The following RSRC1 variants were observed in gnomAD, a reference collection of about 807,000 sequenced individuals.
RSRC1 encodes the protein serine/Arginine-related protein 53.
In RSRC1, 39 loss-of-function variants were observed where a neutral mutation model predicts 49.1. That is an observed-to-expected ratio of 0.79 (90% CI 0.61 to 1.04). The LOEUF (loss-of-function observed/expected upper bound fraction) is 1.04. RSRC1 is among the 50% of genes least tolerant of loss of function. RSRC1 has a pLI of 0.00. For synonymous variants in RSRC1, 143 were observed against 130.8 expected, an observed-to-expected ratio of 1.09 and a Z score of -0.63; for missense variants, 388 against 402.4, an observed-to-expected ratio of 0.96 and a Z score of 0.31.
chr3:158,233,965 T>C (rs547536789), intron 4 of RSRC1, among the ~76,000 whole-genome samples: 2 of 152,306 alleles, frequency 1.3e-5, no homozygotes, highest in South Asian at 4.1e-4. Context: ...AAAGGCTGAA[T>C]AAGTGGCAGA....
At chr3:158,171,985 C>G (rs182647066) in intron 3 of RSRC1, among the ~76,000 whole-genome samples, 2 of 150,598 alleles carry the variant, frequency 1.3e-5, no homozygotes, top group East Asian at 3.9e-4. Context: ...CAACAAAAAC[C>G]ATACATAAAT....
At chr3:158,196,152 T>G (rs1463536259) in intron 3 of RSRC1, among the ~76,000 whole-genome samples, 1 of 139,118 alleles carries the variant, frequency 7.2e-6, no homozygotes, top group Non-Finnish European at 1.5e-5. Context: ...CTTCCATTTG[T>G]TTGTATTCTC....
chr3:158,404,383 A>G (rs1345002715), intron 6 of RSRC1, among the ~76,000 whole-genome samples: 1 of 151,974 alleles, frequency 6.6e-6, no homozygotes, highest in Non-Finnish European at 1.5e-5. Context: ...GACACTAGTC[A>G]TGACAGTAAA....
In RSRC1 at chr3:158,477,798, T is replaced by TTATATATATATATATATATATATATA. The variant is rs67839411; in HGVS notation, c.652+16799_652+16824dup. The stretch of plus-strand genomic sequence containing the variant: ...TGATGGGATAGGTTGCGGGAGGGAT[T>TTATATATATATATATATATATATATA]TATATATATATATATATATATATAT... On this transcript the variant is annotated intron_variant, in intron 7 of 9. Transcript: ENST00000611884. Among the ~76,000 whole-genome samples the TTATATATATATATATATATATATATA allele has an allele frequency of 7.8e-4, 70 of 89,742 alleles. 1 individual carries two copies. The highest frequency in any genetic ancestry group is 2.9e-3 in the African/African-American group (63 of 21,622). The allele number at this position is 89,742 out of a possible 152,430, so 58.9% of individuals were successfully genotyped here.
rs895374057 is a variant in RSRC1 at position 158,481,468 on chromosome 3, C to G, written c.652+20465C>G. On this transcript the variant is annotated intron_variant, in intron 7 of 9. Coordinates refer to ENST00000611884, the MANE Select transcript of RSRC1 (RefSeq NM_001271838.2). ...CACAAATCACACAAGAGAACAGAAA[C>G]TATATCACATAACTGGGAAATTACT... Among the ~76,000 whole-genome samples the G allele has an allele frequency of 2.6e-5, 4 of 152,078 alleles. No individual in the cohort carries two copies. The East Asian group carries it at 5.8e-4, about 22-fold the overall frequency.
At chr3:158,261,115 T>A (rs867385368) in intron 4 of RSRC1, among the ~76,000 whole-genome samples, 20 of 152,332 alleles carry the variant, frequency 1.3e-4, no homozygotes, top group African/African-American at 4.6e-4. Context: ...AGGGGGATGA[T>A]CACTGCAGGC....
chr3:158,288,390 T>C (rs955914215), intron 4 of RSRC1, among the ~76,000 whole-genome samples: 2 of 152,176 alleles, frequency 1.3e-5, no homozygotes, highest in African/African-American at 2.4e-5. Context: ...TGACGGTGAA[T>C]AGCTTGCATC....
intron 6 of RSRC1, among the ~76,000 whole-genome samples, chr3:158,430,075 A>C (rs916335317): frequency 1.3e-5 from 2 of 148,808 alleles, no homozygotes; most frequent in East Asian, 2.0e-4. Flanking sequence ...ACACACACAA[A>C]AAAAATAAAA....
intron 3 of RSRC1, among the ~76,000 whole-genome samples, chr3:158,177,325 A>G (rs889701047): frequency 1.3e-5 from 2 of 152,210 alleles, no homozygotes; most frequent in Admixed American, 6.5e-5. Context: ...TCATGCTGCT[A>G]TAAAAACACA....
intron 3 of RSRC1, among the ~76,000 whole-genome samples, chr3:158,158,356 G>A (rs865885982): frequency 1.3e-5 from 2 of 152,050 alleles, no homozygotes; most frequent in East Asian, 1.9e-4. Flanking sequence ...GAGTATGTGC[G>A]GATTTGGTCA....
intron 3 of RSRC1, among the ~76,000 whole-genome samples, chr3:158,180,807 T>TA (rs1389455376): frequency 1.4e-5 from 2 of 144,172 alleles, no homozygotes; most frequent in African/African-American, 5.1e-5. Context: ...TTATATGCTT[T>TA]TTTTTTTTTT....
chr3:158,477,143 A>C (rs62289515), intron 7 of RSRC1, among the ~76,000 whole-genome samples: 13,277 of 152,212 alleles, frequency 0.087, 647 homozygotes, highest in South Asian at 0.15. Context: ...TGAGCAAAGA[A>C]AGTGGTTCCT....
intron 8 of RSRC1, among the ~76,000 whole-genome samples, chr3:158,538,623 T>G (rs940167697): frequency 6.6e-6 from 1 of 151,966 alleles, no homozygotes; most frequent in Non-Finnish European, 1.5e-5. Flanking sequence ...CTGGGTTTTC[T>G]ACTAAACAAC....
Position 158,449,943 on chromosome 3 carries a change from A to T in RSRC1, c.584-10992A>T, listed in dbSNP as rs890162963. Among the ~76,000 whole-genome samples the T allele has an allele frequency of 2.6e-5, 4 of 152,062 alleles. No individual in the cohort carries two copies. In the East Asian group the frequency reaches 7.7e-4, roughly 29 times the overall value. ...AGGCCCTTCTAAACTGGTTCATTGC[A>T]ACTATAATTGACGTGTCCTCCTGGC... is the stretch of plus-strand genomic sequence containing the variant. On this transcript the variant is annotated intron_variant, in intron 6 of 9. Transcript: ENST00000611884.
At chr3:158,244,618 A>G (rs1578237475) in intron 4 of RSRC1, among the ~76,000 whole-genome samples, 1 of 152,122 alleles carries the variant, frequency 6.6e-6, no homozygotes, top group Non-Finnish European at 1.5e-5. Flanking sequence ...GGTTTCAGTA[A>G]CAGGATGATG....
At chr3:158,179,428 G>A (rs977562109) in intron 3 of RSRC1, among the ~76,000 whole-genome samples, 8 of 152,118 alleles carry the variant, frequency 5.3e-5, no homozygotes, top group African/African-American at 1.9e-4. Context: ...GAAAAGATTA[G>A]GCAACCAGTA....
intron 6 of RSRC1, among the ~76,000 whole-genome samples, chr3:158,424,783 C>A (rs1560036778): frequency 1.3e-5 from 2 of 152,108 alleles, no homozygotes; most frequent in Non-Finnish European, 2.9e-5. Context: ...TTCAGAGATT[C>A]AACTTCTTCC....
At chr3:158,239,799 ATGTGTTGTGAATGT>A (rs1723464834) in intron 4 of RSRC1, among the ~76,000 whole-genome samples, 1 of 152,136 alleles carries the variant, frequency 6.6e-6, no homozygotes, top group Non-Finnish European at 1.5e-5. Flanking sequence ...TTGGTCAGAT[ATGTGTTGTGAATGT>A]TTTCTCCCAG....
intron 6 of RSRC1, 66 bp downstream of exon 6, chr3:158,354,974 G>T: frequency 9.6e-7 from 1 of 1,038,898 alleles, no homozygotes; most frequent in South Asian, 1.9e-5. Context: ...CTGGTAGCAT[G>T]CTTAGAAATG....
Sources: allele counts gnomAD v4.1 joint callset (sites outside exome capture counted in the v4.1 genomes callset), GRCh38; gene constraint gnomAD v4.1.1; transcripts MANE v1.5; gene names NCBI Gene and HGNC (gene_info 2026-07-23, HGNC 2026-07-21).